Variants in NIPBL observed in about 807,000 individuals in gnomAD.
NIPBL encodes nipped-B-like protein.
In NIPBL, 19 loss-of-function variants were observed where a neutral mutation model predicts 321.8. That is an observed-to-expected ratio of 0.06 (90% CI 0.04 to 0.09). The LOEUF is 0.09. Among genes scored for constraint, NIPBL ranks in the 10% least tolerant of loss-of-function variants. The pLI is 1.00. For synonymous variants in NIPBL, 1,106 were observed against 1,114.1 expected (o/e 0.99, Z 0.14); for missense variants, 2,210 against 3,327.0 (o/e 0.66, Z 8.26).
intron 1 of NIPBL, among the ~76,000 whole-genome samples, chr5:36,929,835 A>T (rs932701288): frequency 6.6e-6 from 1 of 152,034 alleles, no homozygotes; most frequent in Non-Finnish European, 1.5e-5. Flanking sequence ...TGTTGACAAG[A>T]CTGTCTTTTA....
chr5:36,956,371 A>G (rs1034240571), intron 3 of NIPBL, among the ~76,000 whole-genome samples: 3 of 152,134 alleles, frequency 2.0e-5, no homozygotes, highest in Non-Finnish European at 2.9e-5. Context: ...CGCATTCTTT[A>G]TTTTTTTAAT....
rs139514413 is a variant in NIPBL at position 36,962,124 on chromosome 5, C to A, written c.460C>A (p.Arg154=). 7 of 1,613,950 alleles carry A rather than the reference C, an allele frequency of 4.3e-6. No homozygotes were observed. Among genetic ancestry groups the A allele is most frequent in the Non-Finnish European group, 5.9e-6 (7 of 1,179,946 alleles). ...TTTTATTTGGGTTTTGGGTTTTAGC[C>A]GGTTTGTGCCACCACAGACAAGCTC... The part of the protein sequence containing the change: ...QTTISHSPSS[R]FVPPQTSSGN... Residue 154 remains arginine (R), a splice_region_variant and synonymous_variant, in exon 6 of 47, where the codon CGG becomes AGG. Coordinates refer to ENST00000282516, the MANE Select transcript of NIPBL (RefSeq NM_133433.4).
intron 1 of NIPBL, among the ~76,000 whole-genome samples, chr5:36,902,160 C>A (rs547767197): frequency 6.6e-6 from 1 of 151,576 alleles, no homozygotes; most frequent in Admixed American, 6.6e-5. Flanking sequence ...GGATACTAGA[C>A]CTTTGTTGGA....
At chr5:36,891,909 A>G (rs571310930) in intron 1 of NIPBL, among the ~76,000 whole-genome samples, 52 of 152,254 alleles carry the variant, frequency 3.4e-4, no homozygotes, top group African/African-American at 1.3e-3. Context: ...TAGATTGGGT[A>G]AGAGAGAATG....
chr5:36,967,610 C>T, intron 6 of NIPBL, among the ~76,000 whole-genome samples: 1 of 152,082 alleles, frequency 6.6e-6, no homozygotes, highest in East Asian at 1.9e-4. Flanking sequence ...TCAGTCATCA[C>T]ATATGAACAT....
intron 6 of NIPBL, among the ~76,000 whole-genome samples, chr5:36,968,109 A>C (rs1181421915): frequency 2.0e-5 from 3 of 149,010 alleles, no homozygotes; most frequent in Non-Finnish European, 3.0e-5. Flanking sequence ...AAAAAAAAAA[A>C]AACAAAAAAC....
chr5:36,950,571 A>G (rs551026751), intron 1 of NIPBL, among the ~76,000 whole-genome samples: 1 of 152,134 alleles, frequency 6.6e-6, no homozygotes, highest in South Asian at 2.1e-4. Context: ...CATCCCTTTC[A>G]GTGTTCAACC....
intron 38 of NIPBL, 84 bp downstream of exon 38, chr5:37,046,283 T>A: frequency 1.2e-6 from 1 of 821,892 alleles, no homozygotes; most frequent in East Asian, 2.5e-5. Flanking sequence ...AATTGTTGAT[T>A]TACTTTAATA....
intron 1 of NIPBL, among the ~76,000 whole-genome samples, chr5:36,940,427 G>A (rs896875182): frequency 6.6e-6 from 1 of 152,124 alleles, no homozygotes; most frequent in African/African-American, 2.4e-5. Flanking sequence ...CTCATCTTGT[G>A]TCAGTCCTTC....
intron 34 of NIPBL, 93 bp downstream of exon 34, chr5:37,038,831 C>A: frequency 8.0e-7 from 1 of 1,247,484 alleles, no homozygotes; most frequent in Non-Finnish European, 1.1e-6. Flanking sequence ...TTCTCACTGA[C>A]AGATCAACTG....
intron 5 of NIPBL, among the ~76,000 whole-genome samples, chr5:36,961,903 A>T (rs1402387291): frequency 1.3e-5 from 2 of 152,306 alleles, no homozygotes; most frequent in East Asian, 3.9e-4. Context: ...ATATAAGTAA[A>T]CAAATTACCT....
intron 42 of NIPBL, 56 bp downstream of exon 42, chr5:37,052,622 T>C: frequency 7.5e-7 from 1 of 1,338,240 alleles, no homozygotes; most frequent in Admixed American, 1.7e-5. Context: ...ATTTTATGGA[T>C]AAAGTAGTCA....
intron 32 of NIPBL, among the ~76,000 whole-genome samples, chr5:37,033,574 T>G (rs59763526): frequency 0.014 from 2,076 of 149,618 alleles, 54 homozygotes; most frequent in African/African-American, 0.048. Flanking sequence ...AAAAAAAGAT[T>G]CCTACTTCAG....
intron 3 of NIPBL, 68 bp downstream of exon 3, chr5:36,955,705 C>CT (rs1561074843): frequency 3.2e-5 from 41 of 1,296,748 alleles, no homozygotes; most frequent in Non-Finnish European, 4.6e-5. Context: ...AATCCGTATT[C>CT]CTGGTTTTAT....
At chr5:36,908,350 A>G (rs1747799926) in intron 1 of NIPBL, among the ~76,000 whole-genome samples, 1 of 152,170 alleles carries the variant, frequency 6.6e-6, no homozygotes. Flanking sequence ...AGTAAACCAC[A>G]TTTTGCATAT....
At chr5:36,938,222 C>T (rs904672209) in intron 1 of NIPBL, among the ~76,000 whole-genome samples, 13 of 151,992 alleles carry the variant, frequency 8.6e-5, no homozygotes, top group East Asian at 1.9e-4. Flanking sequence ...CCACTGGTTC[C>T]GGGAGAAGGG....
intron 1 of NIPBL, among the ~76,000 whole-genome samples, chr5:36,909,596 A>ATAAT (rs1747893228): frequency 1.3e-5 from 2 of 152,194 alleles, no homozygotes; most frequent in African/African-American, 4.8e-5. Flanking sequence ...GGTAATCACA[A>ATAAT]AAATAGTAAA....
At chr5:37,032,835 A>G (rs750522816) in intron 32 of NIPBL, among the ~76,000 whole-genome samples, 1 of 152,042 alleles carries the variant, frequency 6.6e-6, no homozygotes, top group Non-Finnish European at 1.5e-5. Context: ...AGTGTTCATG[A>G]TAAAACTTTT....
chr5:36,951,177 T>G (rs1292938695), intron 1 of NIPBL, among the ~76,000 whole-genome samples: 1 of 152,164 alleles, frequency 6.6e-6, no homozygotes, highest in Non-Finnish European at 1.5e-5. Flanking sequence ...AAGCACAATC[T>G]TGTGGTTAGG....
Sources: gnomAD v4.1 joint callset for allele counts (sites outside exome capture counted in the v4.1 genomes callset) on GRCh38, gnomAD v4.1.1 for gene constraint, MANE v1.5 for transcripts, NCBI Gene and HGNC (gene_info 2026-07-23, HGNC 2026-07-21) for gene names.